The following UEVLD variants were observed in gnomAD, a reference collection of about 807,000 sequenced individuals.
UEVLD encodes UEV and lactate/malate dehyrogenase domains.
Under a neutral mutation model 58.6 loss-of-function variants are expected in UEVLD, and 47 were observed. That is an observed-to-expected ratio of 0.80 (90% CI 0.63 to 1.02). The LOEUF (loss-of-function observed/expected upper bound fraction) is 1.02. UEVLD is among the 50% of genes least tolerant of loss of function. The pLI is 0.00. For synonymous variants in UEVLD, 197 were observed against 195.3 expected (o/e 1.01, Z -0.07); for missense variants, 510 against 550.6 (o/e 0.93, Z 0.74).
intron 8 of UEVLD, among the ~76,000 whole-genome samples, chr11:18,545,508 G>A (rs753224285): frequency 1.3e-5 from 2 of 152,022 alleles, no homozygotes; most frequent in Non-Finnish European, 2.9e-5. Context: ...GCAGTGGCAT[G>A]ACCTGGGCTC....
At chr11:18,539,635 A>AT (rs1173289095) in intron 9 of UEVLD, among the ~76,000 whole-genome samples, 1 of 152,188 alleles carries the variant, frequency 6.6e-6, no homozygotes, top group Non-Finnish European at 1.5e-5. Flanking sequence ...AACTTGGCAA[A>AT]TTAAGGAAGG....
At chr11:18,541,957 G>A (rs1851073671) in intron 9 of UEVLD, among the ~76,000 whole-genome samples, 1 of 152,122 alleles carries the variant, frequency 6.6e-6, no homozygotes, top group Non-Finnish European at 1.5e-5. Flanking sequence ...AAAACAAAAT[G>A]TAATAGATGG....
At chr11:18,534,543 T>A in intron 10 of UEVLD, 90 bp from the exon 11 acceptor site, 1 of 1,354,460 alleles carries the variant, frequency 7.4e-7, no homozygotes, top group Non-Finnish European at 9.9e-7. Context: ...TAGATGTTTC[T>A]ATGACAGAAA....
At chr11:18,569,872 A>G (rs1017645414) in intron 4 of UEVLD, 19 of 165,978 alleles carry the variant, frequency 1.1e-4, no homozygotes, top group Non-Finnish European at 2.0e-4. Flanking sequence ...ACAAATAAAT[A>G]TAACATAAAA....
At chr11:18,581,504 T>C (rs1853237558) in intron 1 of UEVLD, among the ~76,000 whole-genome samples, 2 of 151,744 alleles carry the variant, frequency 1.3e-5, no homozygotes, top group Admixed American at 6.6e-5. Flanking sequence ...GCCAACATGG[T>C]GAAATCCCGT....
intron 7 of UEVLD, among the ~76,000 whole-genome samples, chr11:18,557,191 C>T (rs1051369987): frequency 8.6e-5 from 13 of 151,612 alleles, no homozygotes; most frequent in Non-Finnish European, 1.5e-4. Flanking sequence ...CTCACTCTGT[C>T]GCCCAGGCTG....
At chr11:18,535,718 C>CT (rs56086990) in intron 10 of UEVLD, among the ~76,000 whole-genome samples, 30,514 of 149,898 alleles carry the variant, frequency 0.2, 3,177 homozygotes, top group East Asian at 0.25. Context: ...GTGTGTTACA[C>CT]TTTTTTTTTT....
Position 18,573,240 on chromosome 11 carries a change from G to C in UEVLD, c.193+2107C>G, listed in dbSNP as rs897341609. Among the ~76,000 whole-genome samples the C allele has an allele frequency of 7.2e-5, 11 of 152,150 alleles. 1 individual carries two copies. The highest frequency in any genetic ancestry group is 2.2e-4 in the African/African-American group (9 of 41,424). ...CCTACTCTGTATTAGAAACCGAAAT[G>C]CTACTAAGCAGTAATTCATTTAAAT... is the stretch of plus-strand genomic sequence containing the variant. On this transcript the variant is annotated intron_variant, in intron 3 of 11. Transcript: ENST00000396197.
At position 18,532,078 on chromosome 11, in the gene UEVLD, T is replaced by G. The variant is rs1382100835; in HGVS notation, c.*242A>C. The G allele has an allele frequency of 3.3e-6, 1 of 302,032 alleles. No homozygotes were observed. The highest frequency in any genetic ancestry group is 4.9e-5 in the Admixed American group (1 of 20,348). The allele number at this position is 302,032 out of a possible 1,614,324, so 18.7% of individuals were successfully genotyped here. ...CACACTGCAGATGAATGTTTACCCCTGCTGTAGATTTAAAGAACAGCATAG... is the reference window on the plus strand; with the variant it reads ...CACACTGCAGATGAATGTTTACCCCGGCTGTAGATTTAAAGAACAGCATAG... On this transcript the variant is annotated 3_prime_UTR_variant, in exon 12 of 12. Transcript: ENST00000396197.
At chr11:18,569,132 G>A (rs1214729772) in intron 4 of UEVLD, among the ~76,000 whole-genome samples, 1 of 152,152 alleles carries the variant, frequency 6.6e-6, no homozygotes, top group East Asian at 1.9e-4. Context: ...CTGACCTCGT[G>A]ATCCACCCGC....
In UEVLD at chr11:18,561,025, T is replaced by A. The variant is rs146105412; in HGVS notation, c.613-2695A>T. On this transcript the variant is annotated intron_variant, in intron 6 of 11. Transcript: ENST00000396197. ...CTCCATCTCAAAAAAAAAAAAATGC[T>A]GATTTTGTTTCAGTAGGTCTGGGAA... 7.4e-3 allele frequency among the ~76,000 whole-genome samples: 1,116 copies of A among 151,226 alleles called. 13 individuals carry two copies. Among genetic ancestry groups the A allele is most frequent in the African/African-American group, 0.026 (1,065 of 41,234 alleles).
chr11:18,583,730 C>T (rs966652610), intron 1 of UEVLD, among the ~76,000 whole-genome samples: 26 of 145,996 alleles, frequency 1.8e-4, no homozygotes, highest in Admixed American at 1.6e-3. Context: ...GGCGCAATCC[C>T]GGCTCACCGC....
intron 10 of UEVLD, among the ~76,000 whole-genome samples, chr11:18,536,049 G>A (rs1305563809): frequency 1.3e-5 from 2 of 152,180 alleles, no homozygotes; most frequent in Non-Finnish European, 2.9e-5. Context: ...CAGGGGAATC[G>A]CTTGAACCCG....
At chr11:18,569,990 T>A (rs560255487) in intron 4 of UEVLD, 4 of 336,630 alleles carry the variant, frequency 1.2e-5, no homozygotes, top group African/African-American at 8.6e-5. Flanking sequence ...GAGCAAACAG[T>A]TGGCTCCAAA....
chr11:18,573,415 T>C (rs1852731913), intron 3 of UEVLD, among the ~76,000 whole-genome samples: 1 of 152,214 alleles, frequency 6.6e-6, no homozygotes, highest in Non-Finnish European at 1.5e-5. Flanking sequence ...TCCCTTCCCT[T>C]TCTTTTCAAC....
chr11:18,563,300 G>A (rs1003719515), intron 6 of UEVLD, among the ~76,000 whole-genome samples: 2 of 151,820 alleles, frequency 1.3e-5, no homozygotes, highest in African/African-American at 4.8e-5. Context: ...TTAAAATTAT[G>A]TACAACCAGG....
chr11:18,546,942 G>C lies in UEVLD; in HGVS notation c.824C>G (p.Ala275Gly), dbSNP rs1335900825. 6.2e-7 allele frequency: 1 copy of C among 1,614,114 alleles called. No individual in the cohort carries two copies. Among genetic ancestry groups the C allele is most frequent in the Non-Finnish European group, 8.5e-7 (1 of 1,180,024 alleles). The change falls in exon 8 of 12, where the codon GCC becomes GGC. Residue 275 changes from alanine (A) to glycine (G), a missense_variant. Physicochemically the swap from Ala to Gly is moderately conservative, Grantham distance 60. Coordinates refer to ENST00000396197, the MANE Select transcript of UEVLD (RefSeq NM_001040697.4). ...VVQSNVDMFR[A>G]LVPALGHYSQ... ...ATAATGTCCCAGAGCTGGGACAAGG[G>C]CTCTGAACATATCCACATTGCTCTG...
At chr11:18,570,433 A>T (rs566850669) in intron 3 of UEVLD, 56 bp from the exon 4 acceptor site, 180 of 1,441,856 alleles carry the variant, frequency 1.2e-4, no homozygotes, top group Non-Finnish European at 1.0e-4. Context: ...ACACATTATG[A>T]TATAGCTAGG....
chr11:18,580,406 T>A (rs903504329), intron 1 of UEVLD, among the ~76,000 whole-genome samples: 1 of 152,088 alleles, frequency 6.6e-6, no homozygotes, highest in African/African-American at 2.4e-5. Flanking sequence ...CAAAAACTTG[T>A]ATGCAATTGT....
Sources: gnomAD v4.1 joint callset for allele counts (sites outside exome capture counted in the v4.1 genomes callset) on GRCh38, gnomAD v4.1.1 for gene constraint, MANE v1.5 for transcripts, NCBI Gene and HGNC (gene_info 2026-07-23, HGNC 2026-07-21) for gene names.